NCAPD3: variants seen among roughly 807,000 people sequenced by gnomAD.
The protein encoded by NCAPD3 is non-SMC condensin II complex subunit D3.
NCAPD3 carries 105 observed loss-of-function variants against 182.9 expected under a neutral mutation model. The ratio of observed to expected loss-of-function variants is 0.57; its 90% CI spans 0.49 to 0.68. The LOEUF (loss-of-function observed/expected upper bound fraction) is 0.68. Among genes scored for constraint, NCAPD3 ranks in the 30% least tolerant of loss-of-function variants. The pLI, the probability that NCAPD3 is intolerant of heterozygous loss-of-function variation, is 0.00. For missense variants in NCAPD3, 1,944 were observed against 1,837.0 expected (o/e 1.06, Z -1.07); for synonymous variants, 815 against 679.9 (o/e 1.20, Z -3.09).
At position 134,150,240 on chromosome 11, in the gene NCAPD3, G is replaced by A. The variant is rs1289265843; in HGVS notation, c.*2704C>T. 2 of 152,318 alleles carry A rather than the reference G, an allele frequency of 1.3e-5. No individual in the cohort carries two copies. Among genetic ancestry groups the A allele is most frequent in the Admixed American group, 6.5e-5 (1 of 15,290 alleles). The allele number at this position is 152,318 out of a possible 1,614,324, so 9.4% of individuals were successfully genotyped here. A position where few individuals can be genotyped will look rare whatever the true frequency, so the allele number is the denominator to read the frequency against. Reference sequence around the variant, plus strand: ...GGAAACCTTTAAAAATTCCAGTTAAGCAATGTTGAAATCAGTTTGCATCTC... The same window carrying A: ...GGAAACCTTTAAAAATTCCAGTTAAACAATGTTGAAATCAGTTTGCATCTC... On this transcript the variant is annotated 3_prime_UTR_variant, in exon 35 of 35. Transcript: ENST00000534548.
intron 24 of NCAPD3, among the ~76,000 whole-genome samples, chr11:134,175,945 CTTTT>C (rs1026247581): frequency 6.3e-5 from 9 of 142,996 alleles, no homozygotes; most frequent in Admixed American, 5.6e-4. Context: ...TCAAAATTAA[CTTTT>C]TTTTTTTTTT....
chr11:134,212,286 A>G (rs1210089815), intron 3 of NCAPD3, among the ~76,000 whole-genome samples: 1 of 152,244 alleles, frequency 6.6e-6, no homozygotes, highest in Non-Finnish European at 1.5e-5. Context: ...TAAAAGATAA[A>G]TAAGCATTAA....
intron 7 of NCAPD3, 144 bp downstream of exon 7, chr11:134,208,720 T>C (rs1937711399): frequency 1.6e-6 from 1 of 643,346 alleles, no homozygotes; most frequent in South Asian, 1.9e-5. Flanking sequence ...GTGATACTTT[T>C]TATTATGCAA....
intron 22 of NCAPD3, chr11:134,177,674 A>T: frequency 1.8e-6 from 1 of 570,308 alleles, no homozygotes; most frequent in Non-Finnish European, 3.1e-6. Flanking sequence ...GGAGTTATAT[A>T]CTATGGGATG....
chr11:134,163,700 C>CAAA (rs57961196), intron 27 of NCAPD3, among the ~76,000 whole-genome samples: 19 of 66,140 alleles, frequency 2.9e-4, no homozygotes, highest in African/African-American at 8.8e-4. Context: ...TACTGTGTCT[C>CAAA]AAAAAAAAAA....
intron 32 of NCAPD3, among the ~76,000 whole-genome samples, chr11:134,155,661 A>AAAATGAGATGCGTTCTCCCCGTTTCTT (rs1358525332): frequency 6.6e-6 from 1 of 152,202 alleles, no homozygotes; most frequent in Non-Finnish European, 1.5e-5. Flanking sequence ...GAGCACAACG[A>AAAATGAGATGCGTTCTCCCCGTTTCTT]AAATGAGATG....
intron 27 of NCAPD3, among the ~76,000 whole-genome samples, chr11:134,167,536 T>A (rs1168839631): frequency 7.6e-6 from 1 of 132,374 alleles, no homozygotes; most frequent in Non-Finnish European, 1.6e-5. Context: ...GCACACTCAC[T>A]AGTGAGATGA....
intron 27 of NCAPD3, among the ~76,000 whole-genome samples, chr11:134,163,515 CTG>C (rs1045904983): frequency 1.3e-5 from 2 of 151,888 alleles, no homozygotes; most frequent in African/African-American, 4.8e-5. Context: ...CTGGCAAACA[CTG>C]TGAAACCCCA....
At chr11:134,215,507 T>C (rs1433013196) in intron 3 of NCAPD3, among the ~76,000 whole-genome samples, 1 of 152,202 alleles carries the variant, frequency 6.6e-6, no homozygotes, top group Non-Finnish European at 1.5e-5. Context: ...TATACAGTAC[T>C]AATAAACCAA....
intron 23 of NCAPD3, among the ~76,000 whole-genome samples, chr11:134,176,653 G>C (rs1311527801): frequency 1.3e-5 from 2 of 152,228 alleles, no homozygotes; most frequent in African/African-American, 2.4e-5. Flanking sequence ...CGTAATACAT[G>C]AAAAGATGAG....
At position 134,181,183 on chromosome 11, in the gene NCAPD3, T is replaced by C. The variant is rs1281748175; in HGVS notation, c.2453A>G (p.Glu818Gly). 1 of 1,612,122 alleles carries C rather than the reference T, an allele frequency of 6.2e-7. No homozygotes were observed. The highest frequency in any genetic ancestry group is 1.3e-5 in the African/African-American group (1 of 74,876). The change falls in exon 20 of 35, where the codon GAA becomes GGA. Residue 818 changes from glutamate to glycine, a missense_variant and splice_region_variant. Physicochemically the swap from Glu to Gly is moderately conservative, Grantham distance 98. Transcript: ENST00000534548. ...ATCCCCACACACCTGCGTCAGCAATTCCTACGGCAAGTCAAAAGTCATCTC... is the reference window on the plus strand; with the variant it reads ...ATCCCCACACACCTGCGTCAGCAATCCCTACGGCAAGTCAAAAGTCATCTC... ...ASAETPAEEQ[E>G]LLTQVCGDVL...
chr11:134,207,932 G>A (rs117114087), intron 7 of NCAPD3, among the ~76,000 whole-genome samples: 2,538 of 152,162 alleles, frequency 0.017, 25 homozygotes, highest in Middle Eastern at 0.034. Flanking sequence ...ATAAAATACC[G>A]AATGTTTCTA....
At chr11:134,203,067 AG>A in intron 12 of NCAPD3, 74 bp downstream of exon 12, 2 of 1,295,918 alleles carry the variant, frequency 1.5e-6, no homozygotes, top group Non-Finnish European at 2.2e-6. Context: ...TAAGGAGGTA[AG>A]AAAAACATTT....
chr11:134,203,333 C>T (rs1421253600), intron 11 of NCAPD3, 135 bp from the exon 12 acceptor site: 2 of 731,496 alleles, frequency 2.7e-6, no homozygotes, highest in South Asian at 1.9e-5. Context: ...CAACTGATAA[C>T]GTTCTCCTTG....
At chr11:134,198,668 C>T (rs949438692) in intron 13 of NCAPD3, among the ~76,000 whole-genome samples, 1 of 152,160 alleles carries the variant, frequency 6.6e-6, no homozygotes, top group African/African-American at 2.4e-5. Flanking sequence ...GTAGAACTAC[C>T]TCTATTTACA....
intron 16 of NCAPD3, among the ~76,000 whole-genome samples, chr11:134,186,810 A>G (rs1482512699): frequency 1.3e-5 from 2 of 152,214 alleles, no homozygotes; most frequent in African/African-American, 4.8e-5. Context: ...ATGCATATAA[A>G]TGAAGTTTTG....
chr11:134,199,390 A>G (rs1031019774), intron 13 of NCAPD3, among the ~76,000 whole-genome samples: 3 of 152,188 alleles, frequency 2.0e-5, no homozygotes, highest in Non-Finnish European at 4.4e-5. Context: ...TTATCAGCCC[A>G]GAGCAATTCA....
At position 134,157,999 on chromosome 11, in the gene NCAPD3, T is replaced by C. The variant is rs756085034; in HGVS notation, c.4103A>G (p.His1368Arg). The change falls in exon 31 of 35, where the codon CAT becomes CGT. Residue 1368 changes from histidine (H) to arginine (R), a missense_variant. Transcript: ENST00000534548. ...CAGCACTCCTAAGCTCCGACTCCGA[T>C]GCCTGCTCTTTGACTCCACGGCTTT... ...VKKAVESKSR[H>R]RSRSLGVLPF... 1.2e-6 allele frequency: 2 copies of C among 1,614,186 alleles called. No homozygotes were observed. The highest frequency in any genetic ancestry group is 8.5e-7 in the Non-Finnish European group (1 of 1,180,010).
intron 31 of NCAPD3, 150 bp downstream of exon 31, chr11:134,157,778 G>A (rs1943464710): frequency 2.2e-6 from 2 of 912,094 alleles, no homozygotes; most frequent in Non-Finnish European, 3.3e-6. Flanking sequence ...AATATGCATT[G>A]TTTTACTACC....
Sources: allele counts gnomAD v4.1 joint callset (sites outside exome capture counted in the v4.1 genomes callset), GRCh38; gene constraint gnomAD v4.1.1; transcripts MANE v1.5; gene names NCBI Gene and HGNC (gene_info 2026-07-23, HGNC 2026-07-21).